CFAP184: variants seen among roughly 807,000 people sequenced by gnomAD.
CFAP184 encodes the protein cilia- and flagella-associated protein 184.
the CFAP184 span, chr4:7,041,619 C>G: frequency 6.2e-7 from 1 of 1,614,236 alleles, no homozygotes; most frequent in South Asian, 1.1e-5. Context: ...TTATTACTTG[C>G]ACACTGTTGG....
At chr4:7,041,481 C>T in the CFAP184 span, 1 of 1,614,246 alleles carries the variant, frequency 6.2e-7, no homozygotes, top group South Asian at 1.1e-5. Flanking sequence ...TCCGCAGCCC[C>T]TCTCGGGCTT....
chr4:7,042,242 G>T, the CFAP184 span: 2 of 1,598,716 alleles, frequency 1.3e-6, no homozygotes, highest in East Asian at 2.2e-5. Flanking sequence ...AGCAGGGAAC[G>T]GTACTGGTCC....
the CFAP184 span, chr4:7,042,152 G>A: frequency 1.9e-6 from 3 of 1,602,530 alleles, no homozygotes; most frequent in East Asian, 2.2e-5. Flanking sequence ...GCGGCCTCCA[G>A]GCCCTTCTTT....
At chr4:7,042,020 G>C in the CFAP184 span, 2 of 1,612,036 alleles carry the variant, frequency 1.2e-6, no homozygotes, top group Admixed American at 1.7e-5. Flanking sequence ...CCCAGCTCCT[G>C]GTGGTACCAC....
At chr4:7,042,223 C>T in the CFAP184 span, 3 of 1,597,870 alleles carry the variant, frequency 1.9e-6, no homozygotes, top group East Asian at 4.5e-5. Flanking sequence ...GGAGCGGTTC[C>T]GCTCCACCAG....
At chr4:7,042,244 T>G in the CFAP184 span, 1 of 1,599,572 alleles carries the variant, frequency 6.3e-7, no homozygotes, top group South Asian at 1.1e-5. Context: ...CAGGGAACGG[T>G]ACTGGTCCAG....
the CFAP184 span, chr4:7,042,521 A>G: frequency 1.9e-6 from 3 of 1,603,652 alleles, no homozygotes; most frequent in Non-Finnish European, 2.6e-6. Context: ...GAGGCCTGGA[A>G]CCTGACTTCC....
At chr4:7,042,680 G>C in the CFAP184 span, 3 of 1,508,334 alleles carry the variant, frequency 2.0e-6, no homozygotes, top group African/African-American at 1.4e-5. Context: ...GGCCTCCCCG[G>C]CTCTCCAGGC....
the CFAP184 span, chr4:7,042,166 C>T: frequency 1.3e-6 from 2 of 1,598,158 alleles, no homozygotes. Context: ...CTTCTTTCTG[C>T]GCAGCGCCTC....
the CFAP184 span, chr4:7,042,260 C>T: frequency 1.9e-6 from 3 of 1,592,946 alleles, no homozygotes; most frequent in Non-Finnish European, 8.6e-7. Context: ...TCCAGGAGGT[C>T]GCTGCGCAGC....
the CFAP184 span, chr4:7,041,108 T>G: frequency 8.2e-6 from 9 of 1,094,252 alleles, no homozygotes; most frequent in African/African-American, 1.3e-4. Flanking sequence ...TAACCCAGGT[T>G]TGGGCTCAGC....
chr4:7,042,444 C>G, the CFAP184 span: 1 of 1,611,666 alleles, frequency 6.2e-7, no homozygotes, highest in Non-Finnish European at 8.5e-7. Flanking sequence ...CCTCCCCCTC[C>G]ACCCGCTCTG....
chr4:7,041,955 T>G, the CFAP184 span: 1 of 1,612,606 alleles, frequency 6.2e-7, no homozygotes, highest in Non-Finnish European at 8.5e-7. Flanking sequence ...CCTGGAAGCG[T>G]CGCCACTCCT....
At chr4:7,041,802 G>A in the CFAP184 span, 95 of 1,611,420 alleles carry the variant, frequency 5.9e-5, no homozygotes, top group African/African-American at 1.5e-4. Flanking sequence ...TCAGCTGAAT[G>A]TTCTCCAGCC....
chr4:7,041,414 G>A, the CFAP184 span: 79 of 1,614,128 alleles, frequency 4.9e-5, no homozygotes, highest in Non-Finnish European at 5.8e-5. Context: ...TCCAAGTCCC[G>A]AAGAAGTGAG....
chr4:7,041,258 C>T, the CFAP184 span: 5 of 1,554,178 alleles, frequency 3.2e-6, no homozygotes, highest in South Asian at 3.6e-5. Context: ...GCAGACTCTT[C>T]TCATCGATCT....
At chr4:7,042,868 C>T in the CFAP184 span, 1 of 1,569,960 alleles carries the variant, frequency 6.4e-7, no homozygotes, top group East Asian at 2.3e-5. Context: ...CTTGGACGGC[C>T]GCGCGGCCAG....
chr4:7,041,822 T>A, the CFAP184 span: 1 of 1,610,174 alleles, frequency 6.2e-7, no homozygotes, highest in East Asian at 2.2e-5. Flanking sequence ...CGCACGGCGC[T>A]CATCTCCTTC....
At chr4:7,042,985 A>T in the CFAP184 span, 1 of 1,382,038 alleles carries the variant, frequency 7.2e-7, no homozygotes, top group East Asian at 2.7e-5. Flanking sequence ...GGACGCTGTT[A>T]GGTTTCCCGG....
Sources: gnomAD v4.1 joint callset for allele counts on GRCh38, gnomAD v4.1.1 for gene constraint, MANE v1.5 for transcripts, NCBI Gene and HGNC (gene_info 2026-07-23, HGNC 2026-07-21) for gene names.